Variants in ISM1 observed in about 807,000 individuals in gnomAD.
ISM1 encodes isthmin-1.
A neutral mutation model predicts 46.3 loss-of-function variants in ISM1; 25 were observed. That is an observed-to-expected ratio of 0.54 (90% CI 0.39 to 0.75). ISM1 has a LOEUF of 0.75. Among genes scored for constraint, ISM1 ranks in the 30% least tolerant of loss-of-function variants. ISM1 has a pLI of 0.00. For missense variants in ISM1, 536 were observed against 625.4 expected (o/e 0.86, Z 1.52); for synonymous variants, 255 against 256.7 (o/e 0.99, Z 0.06).
chr20:13,270,679 T>C lies in ISM1; in HGVS notation c.314T>C (p.Leu105Pro), dbSNP rs1282167908. 1 of 1,613,962 alleles carries C rather than the reference T, an allele frequency of 6.2e-7. No individual in the cohort carries two copies. Among genetic ancestry groups the C allele is most frequent in the South Asian group, 1.1e-5 (1 of 91,070 alleles). Residue 105 changes from leucine (L) to proline (P), a missense_variant, in exon 2 of 6, where the codon CTT becomes CCT. Leu to Pro is a moderately conservative substitution (Grantham distance 98). Transcript: ENST00000262487. ...AGAGATTTCCCCAGATCCTTTCTCC[T>C]TGATCTACCAAACTTTCCAGATCTT... ...LQRDFPRSFLLDLPNFPDLSK... is the reference protein window; with the variant it reads ...LQRDFPRSFLPDLPNFPDLSK...
intron 3 of ISM1, among the ~76,000 whole-genome samples, chr20:13,286,513 A>G (rs773539329): frequency 2.6e-5 from 4 of 152,220 alleles, no homozygotes; most frequent in Non-Finnish European, 2.9e-5. Context: ...TTGGAAAACC[A>G]TTTCTTAGGA....
chr20:13,241,277 A>G, intron 1 of ISM1, among the ~76,000 whole-genome samples: 1 of 152,188 alleles, frequency 6.6e-6, no homozygotes, highest in East Asian at 1.9e-4. Flanking sequence ...AGAATATACA[A>G]ATAAGTCTTG....
intron 1 of ISM1, among the ~76,000 whole-genome samples, chr20:13,241,628 A>G (rs948401104): frequency 2.0e-5 from 3 of 152,144 alleles, no homozygotes; most frequent in Non-Finnish European, 4.4e-5. Flanking sequence ...TCCATCAGTG[A>G]AATATGAAGT....
Position 13,270,642 on chromosome 20 carries a change from C to G in ISM1, c.277C>G (p.Pro93Ala). 6.2e-7 allele frequency: 1 copy of G among 1,613,970 alleles called. No individual in the cohort carries two copies. The highest frequency in any genetic ancestry group is 8.5e-7 in the Non-Finnish European group (1 of 1,179,884). The change falls in exon 2 of 6, where the codon CCT becomes GCT. Residue 93 changes from proline to alanine, a missense_variant. Physicochemically the swap from Pro to Ala is conservative, Grantham distance 27. Coordinates refer to ENST00000262487, the MANE Select transcript of ISM1 (RefSeq NM_080826.2). The part of the protein sequence containing the change: ...RPRFRQETGH[P>A]SLQRDFPRSF... ...GCGATTCCGACAAGAGACGGGGCAC[C>G]CTTCATTGCAAAGAGATTTCCCCAG...
Position 13,221,923 on chromosome 20 carries a change from G to A in ISM1, c.138+9G>A, listed in dbSNP as rs2039454054. 9 of 1,334,634 alleles carry A rather than the reference G, an allele frequency of 6.7e-6. No homozygotes were observed. The East Asian group carries it at 1.6e-4, about 23-fold the overall frequency. 82.7% of individuals were successfully genotyped at this position (1,334,634 alleles called of 1,614,324 possible). On this transcript the variant is annotated intron_variant, in intron 1 of 5. Coordinates refer to ENST00000262487, the MANE Select transcript of ISM1 (RefSeq NM_080826.2). The stretch of plus-strand genomic sequence containing the variant: ...GCCAAGCCCAGCTGCAGGTGAGTGC[G>A]CCGCCGGAGAGGGCCGTGCGCGGCT...
At chr20:13,257,296 T>C (rs1178308483) in intron 1 of ISM1, among the ~76,000 whole-genome samples, 1 of 152,060 alleles carries the variant, frequency 6.6e-6, no homozygotes, top group African/African-American at 2.4e-5. Context: ...GGGAGGATCA[T>C]CTGAGGTCAG....
In ISM1 at chr20:13,279,910, A is replaced by C; in HGVS notation, c.643+12A>C. 6.2e-7 allele frequency: 1 copy of C among 1,609,016 alleles called. No individual in the cohort carries two copies. Among genetic ancestry groups the C allele is most frequent in the Non-Finnish European group, 8.5e-7 (1 of 1,176,518 alleles). ...TCAGCCAGAATATGGTGAGTTTACC[A>C]CCTAGTAATATAAAATTGGTGGGAA... On this transcript the variant is annotated intron_variant, in intron 3 of 5. Coordinates refer to ENST00000262487, the MANE Select transcript of ISM1 (RefSeq NM_080826.2).
At chr20:13,310,469 C>G in the ISM1 span, among the ~76,000 whole-genome samples, 4 of 149,536 alleles carry the variant, frequency 2.7e-5, no homozygotes, top group Non-Finnish European at 4.4e-5. Flanking sequence ...AACTGTAAAA[C>G]AACTGGAAGG....
At chr20:13,254,625 T>C (rs568299800) in intron 1 of ISM1, among the ~76,000 whole-genome samples, 1 of 152,258 alleles carries the variant, frequency 6.6e-6, no homozygotes, top group South Asian at 2.1e-4. Flanking sequence ...ACAGTCTCTA[T>C]ATTCTCTCTC....
chr20:13,283,171 G>C (rs2040256185), intron 3 of ISM1, among the ~76,000 whole-genome samples: 1 of 152,136 alleles, frequency 6.6e-6, no homozygotes. Flanking sequence ...CTCCAAAAGT[G>C]CTGGGATTTT....
intron 1 of ISM1, among the ~76,000 whole-genome samples, chr20:13,236,667 G>C (rs906261499): frequency 1.6e-4 from 24 of 152,142 alleles, no homozygotes; most frequent in African/African-American, 4.3e-4. Flanking sequence ...AGATACAATG[G>C]GGGTACAGGT....
chr20:13,315,874 C>T, the ISM1 span, among the ~76,000 whole-genome samples: 4 of 151,956 alleles, frequency 2.6e-5, no homozygotes, highest in Non-Finnish European at 5.9e-5. Context: ...TTACAGATTA[C>T]ACAACATACT....
intron 2 of ISM1, among the ~76,000 whole-genome samples, chr20:13,274,451 C>T (rs1306153981): frequency 6.6e-6 from 1 of 152,186 alleles, no homozygotes; most frequent in African/African-American, 2.4e-5. Context: ...TCTGCCCCTT[C>T]CCCTGGCAAC....
At chr20:13,321,275 A>AAAAAAAAT in the ISM1 span, among the ~76,000 whole-genome samples, 1 of 150,522 alleles carries the variant, frequency 6.6e-6, no homozygotes, top group Non-Finnish European at 1.5e-5. Context: ...AAAAAAAAAA[A>AAAAAAAAT]AGATTTTATG....
intron 1 of ISM1, 113 bp downstream of exon 1, chr20:13,222,027 G>T (rs916378491): frequency 9.6e-7 from 1 of 1,037,366 alleles, no homozygotes; most frequent in Non-Finnish European, 1.2e-6. Context: ...CCCCACCTAA[G>T]AGCAACTGTT....
intron 1 of ISM1, among the ~76,000 whole-genome samples, chr20:13,266,627 T>G (rs2040045930): frequency 6.6e-6 from 1 of 152,142 alleles, no homozygotes; most frequent in Non-Finnish European, 1.5e-5. Flanking sequence ...TAAAGCAATA[T>G]TTTCCCAAAC....
chr20:13,244,371 T>C (rs1378972299), intron 1 of ISM1: 3 of 140,796 alleles, frequency 2.1e-5, no homozygotes, highest in Non-Finnish European at 4.5e-5. Context: ...ACCACTACTG[T>C]AGAAGATGTC....
chr20:13,324,234 T>C, the ISM1 span, among the ~76,000 whole-genome samples: 2 of 152,208 alleles, frequency 1.3e-5, no homozygotes, highest in African/African-American at 2.4e-5. Context: ...GTCTCTGACT[T>C]TCACAGCCCC....
intron 3 of ISM1, among the ~76,000 whole-genome samples, chr20:13,285,900 A>T (rs1249443365): frequency 6.6e-6 from 1 of 152,130 alleles, no homozygotes; most frequent in East Asian, 1.9e-4. Flanking sequence ...TGCTCTCTAC[A>T]TTGCGATAAT....
Sources: gnomAD v4.1 joint callset for allele counts (sites outside exome capture counted in the v4.1 genomes callset) on GRCh38, gnomAD v4.1.1 for gene constraint, MANE v1.5 for transcripts, NCBI Gene and HGNC (gene_info 2026-07-23, HGNC 2026-07-21) for gene names.